SLC44A5: variants seen among roughly 807,000 people sequenced by gnomAD.
SLC44A5 encodes the protein solute carrier family 44 member 5.
A neutral mutation model predicts 101.8 loss-of-function variants in SLC44A5; 57 were observed. The observed-to-expected ratio is 0.56, with a 90% CI of 0.45 to 0.70. The LOEUF (loss-of-function observed/expected upper bound fraction) is 0.70, where lower values mean the gene tolerates loss of function less well. SLC44A5 is among the 30% of genes least tolerant of loss of function. The probability of loss-of-function intolerance (pLI) is 0.00; values close to 1 mark genes in which losing one functional copy is unlikely to be tolerated. For missense variants in SLC44A5, 737 were observed against 853.1 expected (o/e 0.86, Z 1.70); for synonymous variants, 281 against 290.9 (o/e 0.97, Z 0.35).
chr1:75,514,417 G>C (rs1264055374), intron 2 of SLC44A5, among the ~76,000 whole-genome samples: 3 of 152,150 alleles, frequency 2.0e-5, no homozygotes, highest in Admixed American at 2.0e-4. Context: ...ATCATGTGAA[G>C]TACTCAGATA....
chr1:75,462,691 ATAAT>A (rs1221442457), intron 2 of SLC44A5, among the ~76,000 whole-genome samples: 1 of 152,102 alleles, frequency 6.6e-6, no homozygotes, highest in African/African-American at 2.4e-5. Flanking sequence ...AGAGATTGAA[ATAAT>A]TAAAAAGAAT....
At chr1:75,721,639 G>C in the SLC44A5 span, among the ~76,000 whole-genome samples, 1 of 152,042 alleles carries the variant, frequency 6.6e-6, no homozygotes, top group African/African-American at 2.4e-5. Context: ...TGTTTAATCT[G>C]AACTCCTCAA....
chr1:75,212,509 C>T (rs1358721351), intron 22 of SLC44A5, among the ~76,000 whole-genome samples: 2 of 152,122 alleles, frequency 1.3e-5, no homozygotes, highest in African/African-American at 4.8e-5. Flanking sequence ...CATGTTGCTG[C>T]AAAGGACATG....
chr1:75,612,257 GAATGTATCCCCA>G (rs916685696), upstream of SLC44A5, among the ~76,000 whole-genome samples: 2 of 152,122 alleles, frequency 1.3e-5, no homozygotes, highest in African/African-American at 4.8e-5. Flanking sequence ...TCCAGGAGAG[GAATGTATCCCCA>G]AATAGCAAGT....
At chr1:75,639,038 G>A in the SLC44A5 span, among the ~76,000 whole-genome samples, 153 of 152,100 alleles carry the variant, frequency 1.0e-3, 2 homozygotes, top group Middle Eastern at 6.8e-3. Flanking sequence ...TGATTTCCAC[G>A]GGCTGAGGTG....
intron 2 of SLC44A5, among the ~76,000 whole-genome samples, chr1:75,440,070 T>C (rs373181083): frequency 1.3e-4 from 20 of 152,164 alleles, no homozygotes; most frequent in African/African-American, 4.8e-4. Context: ...CATGTCTTTA[T>C]TCATTCACAT....
chr1:75,482,202 T>C (rs1195082614), intron 2 of SLC44A5, among the ~76,000 whole-genome samples: 3 of 149,238 alleles, frequency 2.0e-5, no homozygotes, highest in Non-Finnish European at 3.0e-5. Context: ...TTCTCACTCA[T>C]AGGTGGGAAC....
rs7416574 is a variant in SLC44A5, at chr1:75,400,656, G to T, written c.14-4035C>A. On this transcript the variant is annotated intron_variant, in intron 2 of 23. Coordinates refer to ENST00000370859, the MANE Select transcript of SLC44A5 (RefSeq NM_001130058.2). ...GTTGGGCTCATCAATGTGAAAGTCT[G>T]GGCTTCTGCCTTAGTTGCTTTGCCC... Among the ~76,000 whole-genome samples, 925 of 152,240 alleles carry T rather than the reference G, an allele frequency of 6.1e-3. 15 individuals carry two copies. The highest frequency in any genetic ancestry group is 0.021 in the African/African-American group (874 of 41,550).
intron 6 of SLC44A5, among the ~76,000 whole-genome samples, chr1:75,260,018 C>T (rs1650354611): frequency 6.6e-6 from 1 of 152,070 alleles, no homozygotes; most frequent in Non-Finnish European, 1.5e-5. Flanking sequence ...TAAAAGAGCT[C>T]CTGAAGGAAG....
At chr1:75,322,435 T>C (rs1195667582) in intron 4 of SLC44A5, among the ~76,000 whole-genome samples, 1 of 152,198 alleles carries the variant, frequency 6.6e-6, no homozygotes, top group Non-Finnish European at 1.5e-5. Context: ...TGGTCTGTAA[T>C]GATTTCAAAT....
At chr1:75,227,458 AT>A (rs1647230504) in intron 13 of SLC44A5, among the ~76,000 whole-genome samples, 2 of 152,186 alleles carry the variant, frequency 1.3e-5, no homozygotes, top group South Asian at 4.1e-4. Context: ...CCTCAGGTTA[AT>A]GCCTATAAAT....
chr1:75,700,725 T>G, the SLC44A5 span, among the ~76,000 whole-genome samples: 1 of 152,112 alleles, frequency 6.6e-6, no homozygotes, highest in African/African-American at 2.4e-5. Flanking sequence ...GAGGCTGGTT[T>G]TTTGAAAAGA....
intron 4 of SLC44A5, among the ~76,000 whole-genome samples, chr1:75,321,373 G>A (rs963222936): frequency 6.6e-6 from 1 of 152,030 alleles, no homozygotes; most frequent in African/African-American, 2.4e-5. Context: ...AGATCAAGGT[G>A]CCAGCCAATC....
At chr1:75,372,209 A>C (rs1455864219) in intron 3 of SLC44A5, among the ~76,000 whole-genome samples, 1 of 151,906 alleles carries the variant, frequency 6.6e-6, no homozygotes, top group East Asian at 1.9e-4. Context: ...AAAAAAAAAA[A>C]AAAAAAACCT....
intron 23 of SLC44A5, among the ~76,000 whole-genome samples, chr1:75,206,918 T>C (rs1646758994): frequency 3.3e-5 from 5 of 152,150 alleles, no homozygotes; most frequent in Admixed American, 3.3e-4. Flanking sequence ...ACACTGAAAC[T>C]TCCTAAATCC....
At chr1:75,505,769 A>G (rs186595158) in intron 2 of SLC44A5, among the ~76,000 whole-genome samples, 91 of 152,266 alleles carry the variant, frequency 6.0e-4, no homozygotes, top group Non-Finnish European at 1.1e-3. Context: ...TGTTGGATGC[A>G]TAGTTGCAAA....
rs1482349290 is a variant in SLC44A5 at position 75,521,559 on chromosome 1, C to T, written c.13+19876G>A. On this transcript the variant is annotated intron_variant, in intron 2 of 23. Transcript: ENST00000370859. ...ATAAAGGAGAATTTGAATTTAAAAA[C>T]AGGTTAAGATAATGGAGGCTCCCAG... 2.0e-5 allele frequency: 3 copies of T among 152,192 alleles called. No homozygotes were observed. The East Asian group carries it at 5.8e-4, about 29-fold the overall frequency. 9.4% of individuals were successfully genotyped at this position (152,192 alleles called of 1,614,324 possible).
At chr1:75,577,606 C>T (rs1392928671) in intron 1 of SLC44A5, among the ~76,000 whole-genome samples, 1 of 152,164 alleles carries the variant, frequency 6.6e-6, no homozygotes, top group Non-Finnish European at 1.5e-5. Flanking sequence ...CATCATACTC[C>T]CCTTCTTCCG....
chr1:75,302,078 AAC>A (rs1332381163), intron 4 of SLC44A5, among the ~76,000 whole-genome samples: 1 of 141,822 alleles, frequency 7.1e-6, no homozygotes, highest in Admixed American at 7.2e-5. Context: ...TGAGAATAAT[AAC>A]AAGAGAAGAA....
Sources: gnomAD v4.1 joint callset for allele counts (sites outside exome capture counted in the v4.1 genomes callset) on GRCh38, gnomAD v4.1.1 for gene constraint, MANE v1.5 for transcripts, NCBI Gene and HGNC (gene_info 2026-07-23, HGNC 2026-07-21) for gene names.